The following DRC11 variants were observed in gnomAD, a reference collection of about 807,000 sequenced individuals.
The protein encoded by DRC11 is dynein regulatory complex subunit 11.
the DRC11 span, chr2:236,380,547 A>C: frequency 1.9e-6 from 3 of 1,545,110 alleles, no homozygotes; most frequent in Non-Finnish European, 1.8e-6. The surrounding 1 kb of genome is among the most constrained non-coding windows in gnomAD (Gnocchi z 4.9). Flanking sequence ...GCGCATCACA[A>C]CACAACGAGT....
At chr2:236,312,701 G>A in the DRC11 span, among the ~76,000 whole-genome samples, 1 of 151,462 alleles carries the variant, frequency 6.6e-6, no homozygotes, top group Non-Finnish European at 1.5e-5. Flanking sequence ...AGAGATAAGA[G>A]TAGAAATTAA....
the DRC11 span, among the ~76,000 whole-genome samples, chr2:236,458,651 G>A: frequency 6.6e-6 from 1 of 152,160 alleles, no homozygotes. Context: ...CAGCAAGGGG[G>A]CATTCGCTGG....
the DRC11 span, among the ~76,000 whole-genome samples, chr2:236,495,993 A>C: frequency 1.1e-4 from 16 of 152,288 alleles, no homozygotes; most frequent in African/African-American, 3.8e-4. This position sits in a 1 kb window ranked among gnomAD's most constrained non-coding sequence, Gnocchi z 5.6. Context: ...TAGAGCCCCA[A>C]ATGCGCTATT....
At chr2:236,466,416 C>T in the DRC11 span, among the ~76,000 whole-genome samples, 1 of 152,158 alleles carries the variant, frequency 6.6e-6, no homozygotes, top group Non-Finnish European at 1.5e-5. Flanking sequence ...TCTGTTTACC[C>T]TTTGCATTAG....
the DRC11 span, among the ~76,000 whole-genome samples, chr2:236,501,868 T>C: frequency 0.16 from 23,793 of 152,128 alleles, 4,794 homozygotes; most frequent in African/African-American, 0.47. Context: ...GAAAACAGAC[T>C]GCAGCTCCAG....
the DRC11 span, among the ~76,000 whole-genome samples, chr2:236,416,719 ATT>A: frequency 9.9e-4 from 60 of 60,832 alleles, no homozygotes; most frequent in African/African-American, 1.7e-3. Context: ...ATATATATAT[ATT>A]TATATATATA....
the DRC11 span, among the ~76,000 whole-genome samples, chr2:236,478,537 T>G: frequency 6.6e-6 from 1 of 152,180 alleles, no homozygotes; most frequent in Non-Finnish European, 1.5e-5. The surrounding 1 kb of genome is among the most constrained non-coding windows in gnomAD (Gnocchi z 5.9). Flanking sequence ...TCTGTAAATG[T>G]CAGTTAGGTC....
At chr2:236,491,142 G>GTGTGTATA in the DRC11 span, among the ~76,000 whole-genome samples, 1 of 39,352 alleles carries the variant, frequency 2.5e-5, no homozygotes, top group East Asian at 6.0e-4. Flanking sequence ...TATATATACA[G>GTGTGTATA]TATATATATA....
chr2:236,380,510 C>T, the DRC11 span: 66 of 1,358,344 alleles, frequency 4.9e-5, no homozygotes, highest in Non-Finnish European at 6.0e-5. This position sits in a 1 kb window ranked among gnomAD's most constrained non-coding sequence, Gnocchi z 4.9. Context: ...CTCGGGGTTC[C>T]CTGTGCTGTT....
At chr2:236,341,495 T>G in the DRC11 span, among the ~76,000 whole-genome samples, 13 of 151,924 alleles carry the variant, frequency 8.6e-5, no homozygotes, top group Non-Finnish European at 1.5e-5. Context: ...GTGTGAGGGG[T>G]TCTTTCAAAG....
At chr2:236,507,149 G>A in the DRC11 span, 1 of 1,143,312 alleles carries the variant, frequency 8.7e-7, no homozygotes, top group Non-Finnish European at 1.3e-6. Flanking sequence ...GAAGTTGAGA[G>A]GGGAGGAGAA....
At chr2:236,375,013 T>C in the DRC11 span, among the ~76,000 whole-genome samples, 1 of 151,942 alleles carries the variant, frequency 6.6e-6, no homozygotes, top group East Asian at 1.9e-4. The surrounding 1 kb of genome is among the most constrained non-coding windows in gnomAD (Gnocchi z 4.2). Context: ...CTACACACTT[T>C]AAAATGACCA....
chr2:236,447,082 T>C, the DRC11 span, among the ~76,000 whole-genome samples: 3 of 151,476 alleles, frequency 2.0e-5, no homozygotes, highest in Non-Finnish European at 2.9e-5. This position sits in a 1 kb window ranked among gnomAD's most constrained non-coding sequence, Gnocchi z 4.6. Flanking sequence ...CTCCAGTGAC[T>C]CTCTCATCTC....
chr2:236,471,512 C>A, the DRC11 span, among the ~76,000 whole-genome samples: 9 of 152,080 alleles, frequency 5.9e-5, no homozygotes, highest in African/African-American at 2.2e-4. The surrounding 1 kb of genome is among the most constrained non-coding windows in gnomAD (Gnocchi z 4.6). Flanking sequence ...TTAAGAAGGA[C>A]TTTTGAATTA....
the DRC11 span, among the ~76,000 whole-genome samples, chr2:236,439,259 A>C: frequency 6.6e-6 from 1 of 152,216 alleles, no homozygotes; most frequent in Non-Finnish European, 1.5e-5. Flanking sequence ...AAAACCCTTC[A>C]AAACATTAAT....
the DRC11 span, chr2:236,324,772 G>C: frequency 6.2e-7 from 1 of 1,601,300 alleles, no homozygotes; most frequent in South Asian, 1.1e-5. This position sits in a 1 kb window ranked among gnomAD's most constrained non-coding sequence, Gnocchi z 5.7. Context: ...GAGGAGTTTT[G>C]GCATACCAGT....
chr2:236,470,359 T>C, the DRC11 span, among the ~76,000 whole-genome samples: 2 of 152,318 alleles, frequency 1.3e-5, no homozygotes, highest in African/African-American at 2.4e-5. The surrounding 1 kb of genome is among the most constrained non-coding windows in gnomAD (Gnocchi z 5.1). Flanking sequence ...AGACATCTAT[T>C]CCCAGCAAAT....
the DRC11 span, among the ~76,000 whole-genome samples, chr2:236,380,908 T>A: frequency 2.0e-4 from 31 of 152,314 alleles, no homozygotes; most frequent in African/African-American, 7.2e-4. This position sits in a 1 kb window ranked among gnomAD's most constrained non-coding sequence, Gnocchi z 4.9. Context: ...AAGAGCATTC[T>A]GACTTTCTGG....
chr2:236,383,506 A>T, the DRC11 span, among the ~76,000 whole-genome samples: 3 of 151,126 alleles, frequency 2.0e-5, no homozygotes, highest in Non-Finnish European at 4.4e-5. Context: ...TCTCCTCTTG[A>T]TCTAGTTCCT....
Sources: allele counts gnomAD v4.1 joint callset (sites outside exome capture counted in the v4.1 genomes callset), GRCh38; gene constraint gnomAD v4.1.1; non-coding constraint Gnocchi (gnomAD v3.1); transcripts MANE v1.5; gene names NCBI Gene and HGNC (gene_info 2026-07-23, HGNC 2026-07-21).